Variants in PLA2G4E observed in about 807,000 individuals in gnomAD.
The protein encoded by PLA2G4E is phospholipase A2 group IVE, also known as cytosolic phospholipase A2 epsilon.
A neutral mutation model predicts 109.1 loss-of-function variants in PLA2G4E; 84 were observed. That is an observed-to-expected ratio of 0.77 (90% confidence interval 0.65 to 0.92). The LOEUF is 0.92. PLA2G4E is among the 40% of genes least tolerant of loss of function. The pLI is 0.00. For synonymous variants in PLA2G4E, 469 were observed against 436.1 expected, an observed-to-expected ratio of 1.08 and a Z score of -0.94; for missense variants, 1,057 against 1,076.6, an observed-to-expected ratio of 0.98 and a Z score of 0.25.
At chr15:42,007,677 G>A (rs1003877144) in intron 3 of PLA2G4E, 52 bp downstream of exon 3, 1 of 1,574,188 alleles carries the variant, frequency 6.4e-7, no homozygotes, top group South Asian at 1.1e-5. Context: ...AAGTGGGCAA[G>A]AGGGGAGTAA....
intron 1 of PLA2G4E, among the ~76,000 whole-genome samples, chr15:42,029,651 T>G (rs1354174096): frequency 2.6e-5 from 4 of 151,986 alleles, no homozygotes; most frequent in African/African-American, 9.7e-5. Flanking sequence ...GACCTGGGTT[T>G]GTACCTTCAT....
exon 19 of PLA2G4E, chr15:41,984,499 C>G: frequency 6.2e-7 from 1 of 1,613,930 alleles, no homozygotes; most frequent in Non-Finnish European, 8.5e-7. Context: ...ATGGGGGCAT[C>G]GGGTTCCTGG....
chr15:42,021,988 G>A (rs367950722), intron 1 of PLA2G4E, among the ~76,000 whole-genome samples: 1 of 152,186 alleles, frequency 6.6e-6, no homozygotes, highest in East Asian at 1.9e-4. Context: ...AGGGGCCTTA[G>A]CCTGCTGCTC....
rs377565913 is a variant in PLA2G4E at position 42,049,603 on chromosome 15, G to A, written c.183+918C>T. 4.6e-3 allele frequency among the ~76,000 whole-genome samples: 702 copies of A among 152,286 alleles called. 2 individuals carry two copies. Among genetic ancestry groups the A allele is most frequent in the Middle Eastern group, 0.017 (5 of 294 alleles). On this transcript the variant is annotated intron_variant, in intron 1 of 19. Coordinates refer to ENST00000399518, the Ensembl canonical transcript of PLA2G4E. ...TTCTGGATCCAGACAAGGTGACTCC[G>A]TGGTTGGGGCTCAGGATGGACCCTC...
intron 4 of PLA2G4E, among the ~76,000 whole-genome samples, chr15:42,005,690 A>G (rs1704365): frequency 0.52 from 79,587 of 152,138 alleles, 21,812 homozygotes; most frequent in Non-Finnish European, 0.61. Flanking sequence ...CTACCTCTCC[A>G]TTGTGTTCTG....
At chr15:42,000,210 C>G in exon 8 of PLA2G4E, 1 of 1,590,694 alleles carries the variant, frequency 6.3e-7, no homozygotes, top group Non-Finnish European at 8.6e-7. Context: ...GGTTGGGCAG[C>G]AGGGTTCCAA....
intron 2 of PLA2G4E, among the ~76,000 whole-genome samples, chr15:42,008,076 G>C (rs1485875517): frequency 2.6e-5 from 4 of 152,210 alleles, no homozygotes. Flanking sequence ...CAATCCCACT[G>C]GCCATTCTCA....
chr15:42,019,815 C>T (rs150818838), intron 1 of PLA2G4E, among the ~76,000 whole-genome samples: 40 of 152,308 alleles, frequency 2.6e-4, no homozygotes, highest in African/African-American at 9.1e-4. Flanking sequence ...CAAGAAATCC[C>T]GGCACCAACA....
intron 5 of PLA2G4E, among the ~76,000 whole-genome samples, chr15:42,004,687 C>A (rs2068456295): frequency 2.0e-5 from 3 of 152,120 alleles, no homozygotes; most frequent in Admixed American, 2.0e-4. Context: ...GGCTATTTGG[C>A]CAGAGTACTA....
intron 1 of PLA2G4E, among the ~76,000 whole-genome samples, chr15:42,015,331 G>A (rs1042059141): frequency 2.0e-5 from 3 of 152,094 alleles, no homozygotes; most frequent in Non-Finnish European, 4.4e-5. Context: ...CCTGCCTACC[G>A]AGGGACCGCA....
At position 42,041,045 on chromosome 15, in the gene PLA2G4E, G is replaced by A. The variant is rs1889306607; in HGVS notation, c.183+9476C>T. 5.3e-5 allele frequency among the ~76,000 whole-genome samples: 8 copies of A among 152,184 alleles called. No individual in the cohort carries two copies. In the South Asian group the frequency reaches 1.0e-3, roughly 20 times the overall value. The stretch of plus-strand genomic sequence containing the variant: ...AATTGATAAGACGTAGTGTTGGTGA[G>A]GGTGTGAGGAAGAGTCAGTAAAATG... On this transcript the variant is annotated intron_variant, in intron 1 of 19. Transcript: ENST00000399518.
chr15:42,013,882 GTTTTTTTTTTTTTT>G (rs10539531), intron 1 of PLA2G4E, 125 bp from the exon 2 acceptor site: 2 of 134,258 alleles, frequency 1.5e-5, no homozygotes, highest in African/African-American at 1.3e-4. Flanking sequence ...CCCTAGGCTG[GTTTTTTTTTTTTTT>G]TTTTTTTTTT....
At chr15:42,000,575 A>C (rs74010959) in intron 7 of PLA2G4E, among the ~76,000 whole-genome samples, 2,586 of 152,310 alleles carry the variant, frequency 0.017, 76 homozygotes, top group African/African-American at 0.059. Flanking sequence ...GATGCCCCAA[A>C]GTAACCTGCC....
chr15:42,013,527 C>A (rs1442321564), intron 2 of PLA2G4E, among the ~76,000 whole-genome samples, 158 bp downstream of exon 2: 1 of 152,226 alleles, frequency 6.6e-6, no homozygotes, highest in South Asian at 2.1e-4. Flanking sequence ...AACACACATT[C>A]GTGCACATAC....
intron 14 of PLA2G4E, 84 bp from the exon 15 acceptor site, chr15:41,989,636 C>G (rs1459023374): frequency 6.6e-7 from 1 of 1,510,224 alleles, no homozygotes; most frequent in East Asian, 2.4e-5. Flanking sequence ...CCTGCAGCCA[C>G]TGGCTCAGGC....
Position 41,990,114 on chromosome 15 carries a change from G to A in PLA2G4E, c.1585+7C>T, listed in dbSNP as rs373312709. 2.4e-3 allele frequency: 3,801 copies of A among 1,610,342 alleles called. 22 individuals carry two copies. The highest frequency in any genetic ancestry group is 5.1e-3 in the South Asian group (460 of 90,888). On this transcript the variant is annotated splice_region_variant and intron_variant, in intron 14 of 19. Transcript: ENST00000399518. ...CCCACTTGTAAATCACCAGCCACTG[G>A]TGTTACCTCTGAAGTCCTGGTTGCT... is the stretch of plus-strand genomic sequence containing the variant.
In PLA2G4E at chr15:42,050,677, A is replaced by C. The variant is rs950484736; in HGVS notation, c.27T>G (p.Cys9Trp). Residue 9 changes from cysteine to tryptophan, a missense_variant, in exon 1 of 20, where the codon TGT (cysteine) becomes TGG (tryptophan). Physicochemically the swap from Cys to Trp is radical, Grantham distance 215. Coordinates refer to ENST00000399518, the Ensembl canonical transcript of PLA2G4E. ...CAAACACATTAGTTCCCAGGCCAGGACAGCCTTCCGAGGCCTGGAGACTCA... is the reference window on the plus strand; with the variant it reads ...CAAACACATTAGTTCCCAGGCCAGGCCAGCCTTCCGAGGCCTGGAGACTCA... 3.9e-6 allele frequency: 6 copies of C among 1,550,342 alleles called. No homozygotes were observed. The Admixed American group carries it at 1.2e-4, about 30-fold the overall frequency.
At chr15:42,043,677 C>T (rs1222146535) in intron 1 of PLA2G4E, among the ~76,000 whole-genome samples, 2 of 151,602 alleles carry the variant, frequency 1.3e-5, no homozygotes, top group African/African-American at 4.9e-5. Flanking sequence ...GAGGAAAGAG[C>T]AGGAGATCTA....
At chr15:42,048,941 C>G (rs1276975912) in intron 1 of PLA2G4E, among the ~76,000 whole-genome samples, 1 of 152,230 alleles carries the variant, frequency 6.6e-6, no homozygotes, top group Non-Finnish European at 1.5e-5. Flanking sequence ...AGTCAGGAGG[C>G]TGAAGATGCC....
Sources: allele counts gnomAD v4.1 joint callset (sites outside exome capture counted in the v4.1 genomes callset), GRCh38; gene constraint gnomAD v4.1.1; transcripts MANE v1.5; gene names NCBI Gene and HGNC (gene_info 2026-07-23, HGNC 2026-07-21).